The following BABAM2 variants were observed in gnomAD, a reference collection of about 807,000 sequenced individuals.
The protein encoded by BABAM2 is BRISC and BRCA1-A complex member 2.
In BABAM2, 31 loss-of-function variants were observed where a neutral mutation model predicts 54.7. The observed-to-expected ratio is 0.57, with a 90% CI of 0.43 to 0.77. The LOEUF is 0.77. Ranked by LOEUF, BABAM2 falls within the 30% of genes least tolerant of loss-of-function variation. BABAM2 has a pLI of 0.00. For missense variants in BABAM2, 364 were observed against 455.8 expected, an observed-to-expected ratio of 0.80 and a Z score of 1.83; for synonymous variants, 167 against 162.9, an observed-to-expected ratio of 1.03 and a Z score of -0.19.
At chr2:27,945,799 G>GTT (rs35951387) in intron 3 of BABAM2, among the ~76,000 whole-genome samples, 105 of 139,182 alleles carry the variant, frequency 7.5e-4, no homozygotes, top group African/African-American at 2.7e-3. Flanking sequence ...TAGTAGTGTG[G>GTT]TTTTTTTTTT....
At chr2:27,962,448 A>G (rs1670539723) in intron 3 of BABAM2, among the ~76,000 whole-genome samples, 1 of 152,196 alleles carries the variant, frequency 6.6e-6, no homozygotes, top group Admixed American at 6.5e-5. Context: ...TTAAAGGTCA[A>G]GATAATAAAG....
chr2:28,006,966 C>G (rs1573377181), intron 4 of BABAM2, among the ~76,000 whole-genome samples: 2 of 151,792 alleles, frequency 1.3e-5, no homozygotes, highest in Non-Finnish European at 2.9e-5. Context: ...TATGGGCCAC[C>G]AGTTCTTTTA....
At chr2:28,073,983 A>C (rs776143579) in intron 6 of BABAM2, among the ~76,000 whole-genome samples, 1 of 152,120 alleles carries the variant, frequency 6.6e-6, no homozygotes, top group Non-Finnish European at 1.5e-5. Context: ...TTACATATAC[A>C]TAGATACGTA....
intron 5 of BABAM2, among the ~76,000 whole-genome samples, chr2:28,042,369 G>A (rs532845030): frequency 2.0e-4 from 31 of 152,308 alleles, no homozygotes; most frequent in African/African-American, 7.2e-4. Flanking sequence ...AAGGGTCTTA[G>A]AGTTAAGCCC....
At chr2:28,080,525 A>G (rs1665070831) in intron 6 of BABAM2, among the ~76,000 whole-genome samples, 1 of 152,110 alleles carries the variant, frequency 6.6e-6, no homozygotes, top group Admixed American at 6.6e-5. Flanking sequence ...GATGGTAGGT[A>G]CTCCTTGAGA....
chr2:28,184,285 T>TTC (rs1553336639), intron 7 of BABAM2, among the ~76,000 whole-genome samples: 5 of 102,210 alleles, frequency 4.9e-5, no homozygotes, highest in Admixed American at 3.5e-4. Context: ...TCTCTCTCTC[T>TTC]CCCCCCCTCC....
chr2:28,227,242 C>T (rs1256873945), intron 7 of BABAM2, among the ~76,000 whole-genome samples: 4 of 151,994 alleles, frequency 2.6e-5, no homozygotes, highest in Admixed American at 1.3e-4. Context: ...CCATTGGCAT[C>T]GCATCAGGAT....
chr2:27,929,511 A>G (rs1346944675), intron 2 of BABAM2, among the ~76,000 whole-genome samples: 1 of 152,246 alleles, frequency 6.6e-6, no homozygotes, highest in African/African-American at 2.4e-5. Context: ...TGGCATAAGA[A>G]TAGACATGTG....
At chr2:28,023,297 A>T (rs1675408467) in intron 4 of BABAM2, among the ~76,000 whole-genome samples, 1 of 152,220 alleles carries the variant, frequency 6.6e-6, no homozygotes, top group Non-Finnish European at 1.5e-5. Context: ...AAGACAACTA[A>T]CTTTTCTTTT....
At chr2:27,933,190 G>T (rs532511507) in intron 3 of BABAM2, among the ~76,000 whole-genome samples, 14 of 152,248 alleles carry the variant, frequency 9.2e-5, no homozygotes, top group African/African-American at 3.4e-4. Context: ...TGTGATTAGT[G>T]TATTAGGACT....
chr2:28,306,999 T>TGGAGTA (rs1688600859), intron 11 of BABAM2, among the ~76,000 whole-genome samples: 6 of 109,532 alleles, frequency 5.5e-5, no homozygotes, highest in Middle Eastern at 0.012. Flanking sequence ...CCTGGCCTTT[T>TGGAGTA]TTTTTTTTTT....
intron 7 of BABAM2, among the ~76,000 whole-genome samples, chr2:28,155,084 TA>T (rs955023439): frequency 3.9e-5 from 6 of 152,012 alleles, no homozygotes; most frequent in Non-Finnish European, 7.4e-5. Flanking sequence ...TACAGAAAAA[TA>T]AAATTGAAGT....
intron 5 of BABAM2, among the ~76,000 whole-genome samples, chr2:28,028,366 C>T (rs533754875): frequency 1.3e-5 from 2 of 152,070 alleles, no homozygotes; most frequent in Non-Finnish European, 2.9e-5. Flanking sequence ...TTTGTTAGGT[C>T]CAATATCCCA....
At chr2:28,258,889 G>A (rs1684232773) in intron 10 of BABAM2, among the ~76,000 whole-genome samples, 1 of 151,666 alleles carries the variant, frequency 6.6e-6, no homozygotes, top group Non-Finnish European at 1.5e-5. Context: ...CAGTTCTCCT[G>A]CCTCAGCCTC....
chr2:28,096,867 T>C (rs968719183), intron 6 of BABAM2, among the ~76,000 whole-genome samples: 1 of 152,160 alleles, frequency 6.6e-6, no homozygotes, highest in Non-Finnish European at 1.5e-5. Context: ...AGTAGAATTA[T>C]TGGGCCAAAG....
chr2:27,930,010 A>G lies in BABAM2; in HGVS notation c.205+102A>G, dbSNP rs1041746644. The G allele has an allele frequency of 1.0e-5, 11 of 1,067,940 alleles. No homozygotes were observed. The African/African-American group carries it at 1.4e-4, about 14-fold the overall frequency. 66.2% of individuals were successfully genotyped at this position (1,067,940 alleles called of 1,614,324 possible). ...TTCCGGCTGTTAGTTGTTATCTCCTAAGATATTGTTCACTAGCATTTACCA... is the reference window on the plus strand; with the variant it reads ...TTCCGGCTGTTAGTTGTTATCTCCTGAGATATTGTTCACTAGCATTTACCA... On this transcript the variant is annotated intron_variant, in intron 3 of 11. Transcript: ENST00000379624.
chr2:28,009,212 C>A (rs998395876), intron 4 of BABAM2, among the ~76,000 whole-genome samples: 4 of 152,034 alleles, frequency 2.6e-5, no homozygotes, highest in African/African-American at 9.7e-5. Context: ...GCAGGTCTCA[C>A]CCCAGGCATA....
At chr2:28,316,690 TC>T (rs1212799513) in intron 11 of BABAM2, among the ~76,000 whole-genome samples, 3 of 152,264 alleles carry the variant, frequency 2.0e-5, no homozygotes, top group Admixed American at 6.5e-5. Flanking sequence ...TCAAGTTTCT[TC>T]CAGGAACATT....
At chr2:28,137,557 C>CT (rs1168137425) in intron 7 of BABAM2, among the ~76,000 whole-genome samples, 1 of 152,150 alleles carries the variant, frequency 6.6e-6, no homozygotes, top group Non-Finnish European at 1.5e-5. Context: ...AGAGCTCAGC[C>CT]TTTGCTTTGA....
Sources: allele counts gnomAD v4.1 joint callset (sites outside exome capture counted in the v4.1 genomes callset), GRCh38; gene constraint gnomAD v4.1.1; transcripts MANE v1.5; gene names NCBI Gene and HGNC (gene_info 2026-07-23, HGNC 2026-07-21).